RBM47: variants seen among roughly 807,000 people sequenced by gnomAD.
RBM47 encodes RNA binding motif protein 47.
In RBM47, 21 loss-of-function variants were observed where a neutral mutation model predicts 47.1. That is an observed-to-expected ratio of 0.45 (90% CI 0.32 to 0.64). RBM47 has a LOEUF of 0.64. Ranked by LOEUF, RBM47 falls within the 30% of genes least tolerant of loss-of-function variation. The probability of loss-of-function intolerance (pLI) is 0.05; values close to 1 mark genes in which losing one functional copy is unlikely to be tolerated. For synonymous variants in RBM47, 375 were observed against 361.7 expected, an observed-to-expected ratio of 1.04 and a Z score of -0.42; for missense variants, 708 against 870.9, an observed-to-expected ratio of 0.81 and a Z score of 2.35.
At chr4:40,567,091 A>T (rs769173535) in intron 1 of RBM47, among the ~76,000 whole-genome samples, 3 of 151,992 alleles carry the variant, frequency 2.0e-5, no homozygotes, top group Non-Finnish European at 4.4e-5. Context: ...CAGAGAATAT[A>T]AGTAATAGTG....
chr4:40,593,911 G>C (rs1169598575), intron 1 of RBM47, among the ~76,000 whole-genome samples: 1 of 149,770 alleles, frequency 6.7e-6, no homozygotes, highest in East Asian at 2.0e-4. Flanking sequence ...TTAGCCGGAC[G>C]TGGTGGTGGG....
At chr4:40,484,993 CT>C (rs368591791) in intron 2 of RBM47, among the ~76,000 whole-genome samples, 4,439 of 151,166 alleles carry the variant, frequency 0.029, 138 homozygotes, top group African/African-American at 0.077. Context: ...AAGATTGTCT[CT>C]TTTTTTTTGT....
At chr4:40,426,545 AT>A (rs971983015) in intron 6 of RBM47, among the ~76,000 whole-genome samples, 2 of 151,884 alleles carry the variant, frequency 1.3e-5, no homozygotes, top group South Asian at 4.2e-4. Flanking sequence ...CTGTAAAAAA[AT>A]TTTTTTTCAT....
chr4:40,486,093 A>AAAAAAAAAAAAAAAAAAAC (rs1721053568), intron 2 of RBM47, among the ~76,000 whole-genome samples: 1 of 144,196 alleles, frequency 6.9e-6, no homozygotes, highest in African/African-American at 2.6e-5. Context: ...AAAAAAAAAA[A>AAAAAAAAAAAAAAAAAAAC]AAAAGAGCTT....
At chr4:40,470,512 T>G (rs1417141486) in intron 2 of RBM47, among the ~76,000 whole-genome samples, 1 of 152,162 alleles carries the variant, frequency 6.6e-6, no homozygotes, top group African/African-American at 2.4e-5. Context: ...TGTCTTGACG[T>G]GTCGTATGTA....
intron 1 of RBM47, among the ~76,000 whole-genome samples, chr4:40,549,048 C>T (rs1446749841): frequency 6.6e-6 from 1 of 151,684 alleles, no homozygotes; most frequent in African/African-American, 2.4e-5. Context: ...GGAAACTAAC[C>T]TTACTCATTC....
chr4:40,558,132 T>C (rs939622062), intron 1 of RBM47, among the ~76,000 whole-genome samples: 1 of 152,148 alleles, frequency 6.6e-6, no homozygotes, highest in Middle Eastern at 3.2e-3. Flanking sequence ...ATTATTCTCA[T>C]TTTTTGCAGA....
At chr4:40,620,197 A>G (rs1737132349) in intron 1 of RBM47, among the ~76,000 whole-genome samples, 1 of 78,144 alleles carries the variant, frequency 1.3e-5, no homozygotes, top group Non-Finnish European at 3.0e-5. Flanking sequence ...CTCAGTATGA[A>G]AAAAAAAAAA....
intron 2 of RBM47, among the ~76,000 whole-genome samples, chr4:40,528,546 C>T (rs1044076203): frequency 3.9e-5 from 6 of 152,072 alleles, no homozygotes; most frequent in African/African-American, 1.4e-4. Context: ...ACTTGGGAGA[C>T]CTGAGGTCAG....
chr4:40,568,732 T>C (rs1426391965), intron 1 of RBM47, among the ~76,000 whole-genome samples: 2 of 151,622 alleles, frequency 1.3e-5, no homozygotes, highest in East Asian at 1.9e-4. Flanking sequence ...ATAGATAGTA[T>C]AGTGTTGGGA....
chr4:40,555,765 C>T (rs946102765), intron 1 of RBM47, among the ~76,000 whole-genome samples: 1 of 152,198 alleles, frequency 6.6e-6, no homozygotes, highest in African/African-American at 2.4e-5. Context: ...AGTGATTCCT[C>T]AACTGTTTTT....
chr4:40,536,876 C>T (rs143933284), intron 2 of RBM47, among the ~76,000 whole-genome samples: 344 of 152,266 alleles, frequency 2.3e-3, no homozygotes, highest in African/African-American at 7.7e-3. Flanking sequence ...CAGACAGCTG[C>T]CACCACGCCA....
At chr4:40,621,010 A>C (rs1230881747) in intron 1 of RBM47, among the ~76,000 whole-genome samples, 1 of 141,368 alleles carries the variant, frequency 7.1e-6, no homozygotes, top group Non-Finnish European at 1.5e-5. Context: ...AAACAAACAA[A>C]AAAAAAAAAC....
intron 3 of RBM47, among the ~76,000 whole-genome samples, chr4:40,448,065 C>T (rs1300917839): frequency 2.0e-5 from 3 of 151,330 alleles, no homozygotes; most frequent in Non-Finnish European, 2.9e-5. Flanking sequence ...GGCATGGTGG[C>T]GGGTGCCTGT....
At chr4:40,452,397 A>T (rs1209717734) in intron 3 of RBM47, among the ~76,000 whole-genome samples, 1 of 152,144 alleles carries the variant, frequency 6.6e-6, no homozygotes, top group East Asian at 1.9e-4. Flanking sequence ...AGCCATGACT[A>T]GGAAGTTCAG....
At chr4:40,504,403 G>C (rs1308770133) in intron 2 of RBM47, among the ~76,000 whole-genome samples, 1 of 149,990 alleles carries the variant, frequency 6.7e-6, no homozygotes, top group African/African-American at 2.5e-5. Context: ...AAATTCTCCT[G>C]CCTCAGCCTT....
At chr4:40,453,859 AAAG>A (rs1226638316) in intron 3 of RBM47, among the ~76,000 whole-genome samples, 1 of 150,912 alleles carries the variant, frequency 6.6e-6, no homozygotes, top group African/African-American at 2.5e-5. Context: ...TTAAAAAAAG[AAAG>A]AAATAATCTC....
chr4:40,567,779 G>A (rs1731237292), intron 1 of RBM47, among the ~76,000 whole-genome samples: 2 of 151,902 alleles, frequency 1.3e-5, no homozygotes, highest in Admixed American at 1.3e-4. Context: ...AAACAAGAGA[G>A]GCACAAAAAT....
At chr4:40,441,517 T>A (rs921529042) in intron 3 of RBM47, among the ~76,000 whole-genome samples, 1 of 152,194 alleles carries the variant, frequency 6.6e-6, no homozygotes, top group South Asian at 2.1e-4. Flanking sequence ...TAAACACCCA[T>A]GTAGTTACAA....
Sources: allele counts gnomAD v4.1 joint callset (sites outside exome capture counted in the v4.1 genomes callset), GRCh38; gene constraint gnomAD v4.1.1; transcripts MANE v1.5; gene names NCBI Gene and HGNC (gene_info 2026-07-23, HGNC 2026-07-21).